DIS3L2: variants seen among roughly 807,000 people sequenced by gnomAD.
DIS3L2 encodes DIS3-like exonuclease 2.
In DIS3L2, 34 loss-of-function variants were observed where a neutral mutation model predicts 97.5. The observed-to-expected ratio is 0.35, with a 90% CI of 0.27 to 0.46. DIS3L2 has a LOEUF of 0.46. DIS3L2 is among the 20% of genes least tolerant of loss of function. The probability of loss-of-function intolerance (pLI) is 1.00; values close to 1 mark genes in which losing one functional copy is unlikely to be tolerated. For synonymous variants in DIS3L2, 435 were observed against 445.2 expected (o/e 0.98, Z 0.29); for missense variants, 1,038 against 1,146.0 (o/e 0.91, Z 1.36).
chr2:232,183,734 C>T (rs145305047), intron 9 of DIS3L2, among the ~76,000 whole-genome samples: 15 of 152,308 alleles, frequency 9.8e-5, no homozygotes, highest in African/African-American at 3.6e-4. Flanking sequence ...TAAATAAATA[C>T]TGCTGAATGT....
At chr2:232,327,327 A>T (rs990940112) in intron 14 of DIS3L2, among the ~76,000 whole-genome samples, 1 of 152,148 alleles carries the variant, frequency 6.6e-6, no homozygotes, top group Non-Finnish European at 1.5e-5. Flanking sequence ...GCCTAAGGCT[A>T]CACTTGTCCC....
intron 10 of DIS3L2, among the ~76,000 whole-genome samples, chr2:232,218,932 C>CT (rs1245208960): frequency 6.6e-6 from 1 of 152,214 alleles, no homozygotes; most frequent in Non-Finnish European, 1.5e-5. Context: ...TCAGCCTCCT[C>CT]TCCTGCCACC....
Position 232,336,855 on chromosome 2 carries a change from G to C in DIS3L2, c.*225G>C, listed in dbSNP as rs532561658. 7.3e-7 allele frequency: 1 copy of C among 1,375,486 alleles called. No homozygotes were observed. Among genetic ancestry groups the C allele is most frequent in the South Asian group, 1.6e-5 (1 of 63,398 alleles). 85.2% of individuals were successfully genotyped at this position (1,375,486 alleles called of 1,614,324 possible). ...GGTCAGCAGTGACCCCAGCAGAGCA[G>C]GCCCCAGTCCTCCTGGGAGGCTGGC... On this transcript the variant is annotated 3_prime_UTR_variant, in exon 21 of 21. Transcript: ENST00000325385.
At chr2:232,144,139 T>G (rs1217916706) in intron 8 of DIS3L2, among the ~76,000 whole-genome samples, 3 of 152,150 alleles carry the variant, frequency 2.0e-5, no homozygotes, top group African/African-American at 4.8e-5. Flanking sequence ...AACGTTCCAG[T>G]GCTCATTAAC....
intron 13 of DIS3L2, chr2:232,343,152 C>G (rs3924438): frequency 3.2e-6 from 2 of 616,662 alleles, no homozygotes; most frequent in South Asian, 4.0e-5. Flanking sequence ...CCTGGCTCAT[C>G]ATCAAAGCAG....
intron 3 of DIS3L2, 87 bp downstream of exon 3, chr2:232,015,758 C>A: frequency 6.8e-7 from 1 of 1,470,332 alleles, no homozygotes; most frequent in Non-Finnish European, 9.2e-7. Flanking sequence ...GTGCTATATG[C>A]TTTCAGAGAG....
At chr2:231,981,599 T>C (rs1325133671) in intron 1 of DIS3L2, among the ~76,000 whole-genome samples, 2 of 4,974 alleles carry the variant, frequency 4.0e-4, no homozygotes, top group East Asian at 0.023. Context: ...TTAAGTATTT[T>C]ATATATATAT....
chr2:232,247,664 A>G (rs1019003214), intron 11 of DIS3L2, among the ~76,000 whole-genome samples: 19 of 119,250 alleles, frequency 1.6e-4, no homozygotes, highest in Admixed American at 3.4e-4. Context: ...TTCAGTCCCT[A>G]GGATAGCCCA....
chr2:231,977,055 G>C (rs1200040610), intron 1 of DIS3L2, among the ~76,000 whole-genome samples: 1 of 152,130 alleles, frequency 6.6e-6, no homozygotes, highest in Non-Finnish European at 1.5e-5. Context: ...GTGAGCCACC[G>C]CGCCCGGCCA....
intron 8 of DIS3L2, among the ~76,000 whole-genome samples, chr2:232,137,940 G>A (rs1256036038): frequency 6.6e-6 from 1 of 152,138 alleles, no homozygotes; most frequent in African/African-American, 2.4e-5. Flanking sequence ...CAAATCAAAA[G>A]GCCCAGTAAC....
At chr2:232,022,364 G>A (rs542832667) in intron 3 of DIS3L2, among the ~76,000 whole-genome samples, 1 of 152,296 alleles carries the variant, frequency 6.6e-6, no homozygotes, top group East Asian at 1.9e-4. Flanking sequence ...AGAGAATCAA[G>A]GGTAAAATCT....
rs1014650775 is a variant in DIS3L2, at chr2:232,249,287, A to C, written c.1366A>C (p.Asn456His). 3 of 1,614,206 alleles carry C rather than the reference A, an allele frequency of 1.9e-6. No homozygotes were observed. The highest frequency in any genetic ancestry group is 2.5e-6 in the Non-Finnish European group (3 of 1,180,038). Residue 456 changes from asparagine (N) to histidine (H), a missense_variant, in exon 12 of 21, where the codon AAC becomes CAC. Physicochemically the swap from Asn to His is moderately conservative, Grantham distance 68 (BLOSUM62 1). Around this residue, in one of 3 missense-constraint regions of DIS3L2, gnomAD observed 813 missense variants for 880.1 expected, o/e 0.92. Transcript: ENST00000325385. Reference sequence around the variant, plus strand: ...GCTGTGTGAGGAGCTGTGCAGCCTCAACCCCATGTCCGACAAGCTGACCTT... The same window carrying C: ...GCTGTGTGAGGAGCTGTGCAGCCTCCACCCCATGTCCGACAAGCTGACCTT... Reference protein sequence around the residue: ...RLLCEELCSLNPMSDKLTFSV... With the variant: ...RLLCEELCSLHPMSDKLTFSV...
At chr2:232,039,736 A>G (rs1695057814) in intron 5 of DIS3L2, among the ~76,000 whole-genome samples, 1 of 152,200 alleles carries the variant, frequency 6.6e-6, no homozygotes, top group South Asian at 2.1e-4. Context: ...TTGGAATATT[A>G]AGGTACTGTG....
At chr2:232,051,372 C>T (rs116135789) in intron 5 of DIS3L2, among the ~76,000 whole-genome samples, 1,677 of 152,266 alleles carry the variant, frequency 0.011, 20 homozygotes, top group Non-Finnish European at 0.017. Context: ...GGAATAGATA[C>T]TTTTTGAACA....
At chr2:232,217,175 C>T (rs867502484) in intron 10 of DIS3L2, among the ~76,000 whole-genome samples, 60 of 152,184 alleles carry the variant, frequency 3.9e-4, no homozygotes, top group African/African-American at 1.4e-3. Flanking sequence ...AGAGGCAAGA[C>T]ATAGTTGATG....
rs968923268 is a variant in DIS3L2, at chr2:232,329,697, T to G, written c.1740-116T>G. 3 of 1,105,938 alleles carry G rather than the reference T, an allele frequency of 2.7e-6. No individual in the cohort carries two copies. The African/African-American group carries it at 4.8e-5, about 18-fold the overall frequency. 68.5% of individuals were successfully genotyped at this position (1,105,938 alleles called of 1,614,324 possible). On this transcript the variant is annotated intron_variant, in intron 14 of 20. Coordinates refer to ENST00000325385, the MANE Select transcript of DIS3L2 (RefSeq NM_152383.5). ...AGATGAGGTAGCTGGGAGGTTGTCTTTAAGCTGAGACCTGAAGGGTGATTG... is the reference window on the plus strand; with the variant it reads ...AGATGAGGTAGCTGGGAGGTTGTCTGTAAGCTGAGACCTGAAGGGTGATTG...
intron 14 of DIS3L2, among the ~76,000 whole-genome samples, chr2:232,311,475 C>T (rs924431944): frequency 1.3e-5 from 2 of 152,148 alleles, no homozygotes; most frequent in African/African-American, 4.8e-5. Context: ...CCTATAATCC[C>T]AGCACTTTGG....
At chr2:232,236,991 C>T (rs1559168660) in intron 10 of DIS3L2, among the ~76,000 whole-genome samples, 1 of 152,168 alleles carries the variant, frequency 6.6e-6, no homozygotes, top group Non-Finnish European at 1.5e-5. Flanking sequence ...CTCAAGTGAT[C>T]CGCCAGCCTT....
At chr2:232,065,899 A>T (rs1220863679) in intron 5 of DIS3L2, among the ~76,000 whole-genome samples, 1 of 151,686 alleles carries the variant, frequency 6.6e-6, no homozygotes, top group Non-Finnish European at 1.5e-5. Flanking sequence ...TTCTTACTAA[A>T]TCATTCATGT....
Sources: allele counts gnomAD v4.1 joint callset (sites outside exome capture counted in the v4.1 genomes callset), GRCh38; gene constraint gnomAD v4.1.1; regional missense constraint gnomAD v4.1.1; transcripts MANE v1.5; gene names NCBI Gene and HGNC (gene_info 2026-07-23, HGNC 2026-07-21).